The following TNFSF14 variants were observed in gnomAD, a reference collection of about 807,000 sequenced individuals.
TNFSF14 encodes the protein TNF superfamily member 14.
A neutral mutation model predicts 22.7 loss-of-function variants in TNFSF14; 15 were observed. The ratio of observed to expected loss-of-function variants is 0.66; its 90% CI spans 0.44 to 1.02. The LOEUF (loss-of-function observed/expected upper bound fraction) is 1.02, where lower values mean the gene tolerates loss of function less well. Ranked by LOEUF, TNFSF14 falls within the 50% of genes least tolerant of loss-of-function variation. TNFSF14 has a pLI of 0.00. For synonymous variants in TNFSF14, 133 were observed against 139.6 expected, an observed-to-expected ratio of 0.95 and a Z score of 0.33; for missense variants, 287 against 326.2, an observed-to-expected ratio of 0.88 and a Z score of 0.93.
chr19:6,664,740 A>G lies in TNFSF14; in HGVS notation c.*186T>C. 1.6e-6 allele frequency: 1 copy of G among 637,698 alleles called. No homozygotes were observed. 39.5% of individuals were successfully genotyped at this position (637,698 alleles called of 1,614,324 possible). A position where few individuals can be genotyped will look rare whatever the true frequency, so the allele number is the denominator to read the frequency against. On this transcript the variant is annotated 3_prime_UTR_variant, in exon 4 of 4. Transcript: ENST00000675206. This position sits in a 1 kb window ranked among gnomAD's most constrained non-coding sequence, Gnocchi z 4.7. The stretch of plus-strand genomic sequence containing the variant: ...TTTTTAGTAGAGATGGGGTTTTGCC[A>G]TGTTAGCCAGGCTGGTCTCGAACTC...
chr19:6,668,969 C>T (rs571625548), intron 1 of TNFSF14, among the ~76,000 whole-genome samples: 7 of 152,300 alleles, frequency 4.6e-5, no homozygotes, highest in African/African-American at 1.4e-4. Context: ...CACGCACATA[C>T]GTCCACATGG....
rs1427820087 is a variant in TNFSF14, at chr19:6,669,958, C to G, written c.112G>C (p.Val38Leu). The G allele has an allele frequency of 1.2e-6, 2 of 1,614,118 alleles. No homozygotes were observed. The highest frequency in any genetic ancestry group is 1.7e-6 in the Non-Finnish European group (2 of 1,180,016). Reference sequence around the variant, plus strand: ...AGCAACAGCAAGAGACCCAGACCCACCCGGGCCACACTGCACGACTGTCTC... The same window carrying G: ...AGCAACAGCAAGAGACCCAGACCCAGCCGGGCCACACTGCACGACTGTCTC... Reference protein sequence around the residue: ...HRRQSCSVARVGLGLLLLLMG... With the variant: ...HRRQSCSVARLGLGLLLLLMG... The change falls in exon 1 of 4, where the codon GTG (valine) becomes CTG (leucine). Residue 38 changes from valine (V) to leucine (L), a missense_variant. By Grantham distance (32) the Val-to-Leu change is conservative. Coordinates refer to ENST00000675206, the MANE Select transcript of TNFSF14 (RefSeq NM_001376887.1).
chr19:6,666,245 C>CA (rs36044435), intron 3 of TNFSF14, among the ~76,000 whole-genome samples: 2,227 of 151,442 alleles, frequency 0.015, 102 homozygotes, highest in Admixed American at 0.082. Flanking sequence ...CTACAAAAAA[C>CA]AAAAAAATTA....
At chr19:6,665,799 G>A (rs568817578) in intron 3 of TNFSF14, among the ~76,000 whole-genome samples, 32 of 150,042 alleles carry the variant, frequency 2.1e-4, no homozygotes, top group African/African-American at 7.3e-4. Flanking sequence ...GTGTGTGTGT[G>A]TGTGTGTGTG....
At chr19:6,666,963 A>G in intron 3 of TNFSF14, 150 bp downstream of exon 3, 1 of 423,860 alleles carries the variant, frequency 2.4e-6, no homozygotes, top group Non-Finnish European at 4.0e-6. Context: ...ATAAAACTGG[A>G]AATACATAGC....
chr19:6,665,054 C>A lies in TNFSF14; in HGVS notation c.595G>T (p.Asp199Tyr). ...ACCACACCACCCAGGAAGCTGCTGT[C>A]CCACCAGACCCGGGAGCTGCTGGTG... The part of the protein sequence containing the change: ...RATSSSRVWW[D>Y]SSFLGGVVHL... Residue 199 changes from aspartate to tyrosine, a missense_variant, in exon 4 of 4, where the codon GAC (aspartate) becomes TAC (tyrosine). Coordinates refer to ENST00000675206, the MANE Select transcript of TNFSF14 (RefSeq NM_001376887.1). 6.2e-7 allele frequency: 1 copy of A among 1,614,168 alleles called. No individual in the cohort carries two copies. The highest frequency in any genetic ancestry group is 8.5e-7 in the Non-Finnish European group (1 of 1,179,996).
upstream of TNFSF14, chr19:6,670,353 A>C: frequency 9.0e-7 from 1 of 1,116,576 alleles, no homozygotes; most frequent in Non-Finnish European, 1.2e-6. Context: ...GGGAGCCCCC[A>C]GCTTTCCCTT....
In TNFSF14 at chr19:6,661,290, G is replaced by A. The variant is rs1303985200; in HGVS notation, c.*3636C>T. ...AGGAGTCCTTTATTAGCCGGCGACTGAGAGACGGCTAGCGCTCAAAATTCT... is the reference window on the plus strand; with the variant it reads ...AGGAGTCCTTTATTAGCCGGCGACTAAGAGACGGCTAGCGCTCAAAATTCT... On this transcript the variant is annotated 3_prime_UTR_variant, in exon 4 of 4. Transcript: ENST00000675206. 1 of 152,554 alleles carries A rather than the reference G, an allele frequency of 6.6e-6. No individual in the cohort carries two copies. Among genetic ancestry groups the A allele is most frequent in the East Asian group, 1.9e-4 (1 of 5,204 alleles). 9.5% of individuals were successfully genotyped at this position (152,554 alleles called of 1,614,324 possible).
chr19:6,670,288 ACT>A, upstream of TNFSF14: 1 of 1,396,462 alleles, frequency 7.2e-7, no homozygotes, highest in Non-Finnish European at 9.3e-7. Flanking sequence ...ACTCATACAG[ACT>A]CTCACACTTT....
Position 6,670,042 on chromosome 19 carries a change from C to T in TNFSF14, c.28G>A (p.Val10Met), listed in dbSNP as rs746701734. 4 of 1,614,210 alleles carry T rather than the reference C, an allele frequency of 2.5e-6. No individual in the cohort carries two copies. Among genetic ancestry groups the T allele is most frequent in the Non-Finnish European group, 1.7e-6 (2 of 1,180,042 alleles). The stretch of plus-strand genomic sequence containing the variant: ...TCGGTCTGTCCATCCACCACAAACA[C>T]TGAGGGCCGTACGACACTCTCCTCC... MEESVVRPS[V>M]FVVDGQTDIP... Residue 10 changes from valine (V) to methionine (M), a missense_variant, in exon 1 of 4, where the codon GTG (valine) becomes ATG (methionine). Val to Met is a conservative substitution (Grantham distance 21). Coordinates refer to ENST00000675206, the MANE Select transcript of TNFSF14 (RefSeq NM_001376887.1).
At chr19:6,668,821 C>T (rs530768788) in intron 1 of TNFSF14, among the ~76,000 whole-genome samples, 1 of 152,328 alleles carries the variant, frequency 6.6e-6, no homozygotes, top group African/African-American at 2.4e-5. Context: ...TGAGAAGACA[C>T]ATGTGGGCTC....
rs755776228 is a variant in TNFSF14 at position 6,665,143 on chromosome 19, C to T, written c.506G>A (p.Arg169His). 2.9e-5 allele frequency: 47 copies of T among 1,613,860 alleles called. No individual in the cohort carries two copies. Among genetic ancestry groups the T allele is most frequent in the East Asian group, 2.0e-4 (9 of 44,882 alleles). Reference sequence around the variant, plus strand: ...CAGCTCCTCGGGGTAGCGGGGTGTGCGCTTGTAGAGGCCGTGGGTGATGGT... The same window carrying T: ...CAGCTCCTCGGGGTAGCGGGGTGTGTGCTTGTAGAGGCCGTGGGTGATGGT... ...ASTITHGLYK[R>H]TPRYPEELEL... is the part of the protein sequence containing the mutation. The change falls in exon 4 of 4, where the codon CGC becomes CAC. Residue 169 changes from arginine (R) to histidine (H), a missense_variant. By Grantham distance (29) the Arg-to-His change is conservative (BLOSUM62 0). Transcript: ENST00000675206.
In TNFSF14 at chr19:6,663,292, T is replaced by TTGTGATGTGTG. The variant is rs1222216519; in HGVS notation, c.*1623_*1633dup. The TTGTGATGTGTG allele has an allele frequency of 9.8e-5, 15 of 152,366 alleles. No homozygotes were observed. The highest frequency in any genetic ancestry group is 2.2e-4 in the Non-Finnish European group (15 of 68,128). 9.4% of individuals were successfully genotyped at this position (152,366 alleles called of 1,614,324 possible). A position where few individuals can be genotyped will look rare whatever the true frequency, so the allele number is the denominator to read the frequency against. On this transcript the variant is annotated 3_prime_UTR_variant, in exon 4 of 4. Coordinates refer to ENST00000675206, the MANE Select transcript of TNFSF14 (RefSeq NM_001376887.1). ...TGTGTGTAATGTTGTGTGTTTGTCA[T>TTGTGATGTGTG]TGTGATGTGTGTGTGATGTGTGTGT...
At position 6,670,024 on chromosome 19, in the gene TNFSF14, G is replaced by A. The variant is rs149151298; in HGVS notation, c.46C>T (p.Gln16Ter). 2.5e-6 allele frequency: 4 copies of A among 1,614,166 alleles called. No homozygotes were observed. The South Asian group carries it at 3.3e-5, about 13-fold the overall frequency. The change falls in exon 1 of 4, where the codon CAG becomes TAG. Residue 16 changes from glutamine (Q) to a stop codon, truncating the protein, a stop_gained. Transcript: ENST00000675206. LOFTEE classifies it high-confidence loss of function. Reference sequence around the variant, plus strand: ...AGCCTCGTGAATGGGATGTCGGTCTGTCCATCCACCACAAACACTGAGGGC... The same window carrying A: ...AGCCTCGTGAATGGGATGTCGGTCTATCCATCCACCACAAACACTGAGGGC... ...VRPSVFVVDG[Q>*]TDIPFTRLGR...
chr19:6,668,755 C>A (rs2145377131), intron 1 of TNFSF14, among the ~76,000 whole-genome samples: 1 of 152,180 alleles, frequency 6.6e-6, no homozygotes, highest in Middle Eastern at 3.4e-3. Context: ...ACATGGACAC[C>A]ACCCTTGGGA....
Position 6,661,363 on chromosome 19 carries a change from A to G in TNFSF14, c.*3563T>C, listed in dbSNP as rs1917235148. On this transcript the variant is annotated 3_prime_UTR_variant, in exon 4 of 4. Transcript: ENST00000675206. ...GGTTTCTTTTTATACCTTGGTTTAG[A>G]AGGGGAAGAGGGAGCCGAGCTGAAG... 1.3e-5 allele frequency: 2 copies of G among 152,330 alleles called. No homozygotes were observed. Among genetic ancestry groups the G allele is most frequent in the Admixed American group, 1.3e-4 (2 of 15,284 alleles). 9.4% of individuals were successfully genotyped at this position (152,330 alleles called of 1,614,324 possible).
chr19:6,670,241 T>G, upstream of TNFSF14: 56 of 1,402,922 alleles, frequency 4.0e-5, no homozygotes, highest in East Asian at 5.5e-5. Context: ...CTTCTTCCGG[T>G]ACCCGCCGCC....
At chr19:6,668,367 A>G (rs1483568750) in intron 1 of TNFSF14, among the ~76,000 whole-genome samples, 1 of 151,960 alleles carries the variant, frequency 6.6e-6, no homozygotes, top group African/African-American at 2.4e-5. Flanking sequence ...AGTCTCTAAG[A>G]TAAATAAATA....
At chr19:6,667,557 C>T in intron 1 of TNFSF14, 108 bp from the exon 2 acceptor site, 2 of 1,249,810 alleles carry the variant, frequency 1.6e-6, no homozygotes, top group Non-Finnish European at 2.2e-6. Flanking sequence ...CGACACCACC[C>T]TCAGACACGT....
Sources: allele counts gnomAD v4.1 joint callset (sites outside exome capture counted in the v4.1 genomes callset), GRCh38; gene constraint gnomAD v4.1.1; non-coding constraint Gnocchi (gnomAD v3.1); transcripts MANE v1.5; gene names NCBI Gene and HGNC (gene_info 2026-07-23, HGNC 2026-07-21).